The following ALG9 variants were observed in gnomAD, a reference collection of about 807,000 sequenced individuals.
ALG9 encodes the protein ALG9 alpha-1,2-mannosyltransferase.
In ALG9, 55 loss-of-function variants were observed where a neutral mutation model predicts 81.8. That is an observed-to-expected ratio of 0.67 (90% confidence interval 0.54 to 0.84). ALG9 has a LOEUF of 0.84. ALG9 is among the 40% of genes least tolerant of loss of function. The pLI, the probability that ALG9 is intolerant of heterozygous loss-of-function variation, is 0.00. For synonymous variants in ALG9, 278 were observed against 274.3 expected, an observed-to-expected ratio of 1.01 and a Z score of -0.13; for missense variants, 629 against 745.0, an observed-to-expected ratio of 0.84 and a Z score of 1.81.
At chr11:111,818,590 A>C (rs1237261622) in intron 13 of ALG9, among the ~76,000 whole-genome samples, 1 of 152,254 alleles carries the variant, frequency 6.6e-6, no homozygotes, top group East Asian at 1.9e-4. Context: ...TCCTTAAGAA[A>C]GACTTCACTG....
intron 14 of ALG9, among the ~76,000 whole-genome samples, chr11:111,807,860 G>A (rs184769831): frequency 8.5e-5 from 13 of 152,282 alleles, no homozygotes; most frequent in East Asian, 3.9e-4. Context: ...TGAGGTGGGC[G>A]GATAGCTTGA....
At chr11:111,862,223 C>A (rs1960428436) in intron 4 of ALG9, among the ~76,000 whole-genome samples, 1 of 150,480 alleles carries the variant, frequency 6.6e-6, no homozygotes. Context: ...CTCTGGCTTA[C>A]ATGTTTCTTT....
At chr11:111,771,720 A>G in the ALG9 span, among the ~76,000 whole-genome samples, 1 of 152,236 alleles carries the variant, frequency 6.6e-6, no homozygotes, top group African/African-American at 2.4e-5. Context: ...TGACCCTGGT[A>G]AACTGATTCC....
chr11:111,865,024 G>A (rs782502482), intron 4 of ALG9, among the ~76,000 whole-genome samples, 157 bp downstream of exon 4: 2 of 152,246 alleles, frequency 1.3e-5, no homozygotes, highest in East Asian at 1.9e-4. Flanking sequence ...TGATCTGCCC[G>A]CCTTGGCCTC....
Position 111,853,660 on chromosome 11 carries a change from T to G in ALG9, c.778A>C (p.Ile260Leu). 6.2e-7 allele frequency: 1 copy of G among 1,614,108 alleles called. No homozygotes were observed. The highest frequency in any genetic ancestry group is 1.7e-5 in the Admixed American group (1 of 60,016). ...AAAAGAAAACTCACCAGAAATAGTA[T>G]GAGGGCCATCAGCGACCAATGAAAG... The part of the protein sequence containing the change: ...SFFHWSLMAL[I>L]LFLVPVVVID... Residue 260 changes from isoleucine to leucine, a missense_variant, in exon 7 of 15, where the codon ATA becomes CTA. This residue lies in a region of ALG9 where 344 missense variants were observed against 390.5 expected (regional missense o/e 0.88). Transcript: ENST00000616540.
intron 4 of ALG9, 30 bp downstream of exon 4, chr11:111,865,151 C>T: frequency 1.3e-6 from 2 of 1,498,248 alleles, no homozygotes; most frequent in South Asian, 1.3e-5. Flanking sequence ...TTCCTCACAG[C>T]ACTTTTAGAA....
chr11:111,827,196 G>A (rs1419031912), intron 13 of ALG9, among the ~76,000 whole-genome samples: 1 of 152,152 alleles, frequency 6.6e-6, no homozygotes, highest in Non-Finnish European at 1.5e-5. Context: ...ACAGGAGATT[G>A]GTGGGCACAG....
chr11:111,833,888 G>A (rs1022998009), intron 13 of ALG9, among the ~76,000 whole-genome samples: 3 of 152,208 alleles, frequency 2.0e-5, no homozygotes, highest in South Asian at 2.1e-4. Flanking sequence ...AAGACAACCA[G>A]TGATAAAAGC....
rs377658088 is a variant in ALG9 at position 111,830,962 on chromosome 11, G to C, written c.1602+5203C>G. On this transcript the variant is annotated intron_variant, in intron 13 of 14. Transcript: ENST00000616540. ...AAGGCAGAAGGATCACTTGAAGCCT[G>C]GAGTTCGAGACCAGCCTGGGCAAGA... Among the ~76,000 whole-genome samples, 76 of 152,232 alleles carry C rather than the reference G, an allele frequency of 5.0e-4. 1 individual carries two copies. Among genetic ancestry groups the C allele is most frequent in the African/African-American group, 1.7e-3 (72 of 41,534 alleles).
chr11:111,823,963 A>G (rs1952832385), intron 13 of ALG9, among the ~76,000 whole-genome samples: 1 of 152,234 alleles, frequency 6.6e-6, no homozygotes, highest in Non-Finnish European at 1.5e-5. Context: ...AAATCAGTAC[A>G]TAAGGGTGAA....
chr11:111,857,453 T>C, intron 6 of ALG9, 149 bp downstream of exon 6: 2 of 1,013,856 alleles, frequency 2.0e-6, no homozygotes, highest in Non-Finnish European at 3.0e-6. Flanking sequence ...TAATAGTAAG[T>C]GCTAAGAGAA....
At chr11:111,838,469 G>A (rs1955693891) in intron 10 of ALG9, 70 bp from the exon 11 acceptor site, 3 of 1,398,096 alleles carry the variant, frequency 2.1e-6, no homozygotes, top group Non-Finnish European at 3.0e-6. Flanking sequence ...CAAGAGCGAA[G>A]CCAAAAAAGA....
At chr11:111,818,252 G>A (rs145362889) in intron 13 of ALG9, among the ~76,000 whole-genome samples, 132 of 152,330 alleles carry the variant, frequency 8.7e-4, no homozygotes, top group Admixed American at 1.5e-3. Context: ...GTCACTTAAC[G>A]AGGGAGACAG....
At chr11:111,813,731 CACA>C (rs1207269985) in intron 13 of ALG9, among the ~76,000 whole-genome samples, 3 of 151,908 alleles carry the variant, frequency 2.0e-5, no homozygotes, top group Non-Finnish European at 2.9e-5. Flanking sequence ...CTGAAATGGC[CACA>C]ACAAGTGAAA....
At chr11:111,827,683 A>G (rs1347480084) in intron 13 of ALG9, among the ~76,000 whole-genome samples, 1 of 151,864 alleles carries the variant, frequency 6.6e-6, no homozygotes, top group African/African-American at 2.4e-5. Context: ...GCTGGCCAAC[A>G]TGGTGAAACC....
chr11:111,855,747 A>T (rs1008367951), intron 6 of ALG9, among the ~76,000 whole-genome samples: 4 of 152,346 alleles, frequency 2.6e-5, no homozygotes, highest in Middle Eastern at 3.4e-3. Context: ...AGCTATGGGA[A>T]TCACCAAGAT....
Position 111,871,560 on chromosome 11 carries a change from T to C in ALG9, c.-78A>G. 3 of 1,532,856 alleles carry C rather than the reference T, an allele frequency of 2.0e-6. No individual in the cohort carries two copies. Among genetic ancestry groups the C allele is most frequent in the Non-Finnish European group, 2.6e-6 (3 of 1,145,088 alleles). 95.0% of individuals were successfully genotyped at this position (1,532,856 alleles called of 1,614,324 possible). A position where few individuals can be genotyped will look rare whatever the true frequency, so the allele number is the denominator to read the frequency against. On this transcript the variant is annotated 5_prime_UTR_variant, in exon 1 of 15. Coordinates refer to ENST00000616540, the MANE Select transcript of ALG9 (RefSeq NM_024740.2). Reference sequence around the variant, plus strand: ...AGACATAGCTTTGGCTGGCAAACGGTGTCCGCCGAGGGACAAAAGACCTTG... The same window carrying C: ...AGACATAGCTTTGGCTGGCAAACGGCGTCCGCCGAGGGACAAAAGACCTTG...
At chr11:111,849,597 T>C (rs1957446387) in intron 8 of ALG9, 1 of 152,272 alleles carries the variant, frequency 6.6e-6, no homozygotes, top group South Asian at 2.1e-4. Flanking sequence ...AAGCCCAGCA[T>C]GCATTAGCTA....
chr11:111,863,511 C>T (rs1436459110), intron 4 of ALG9, among the ~76,000 whole-genome samples: 1 of 152,060 alleles, frequency 6.6e-6, no homozygotes, highest in Non-Finnish European at 1.5e-5. Context: ...TTTTTTCCCT[C>T]CACTCCACTC....
Sources: gnomAD v4.1 joint callset for allele counts (sites outside exome capture counted in the v4.1 genomes callset) on GRCh38, gnomAD v4.1.1 for gene constraint, gnomAD v4.1.1 regional missense constraint, MANE v1.5 for transcripts, NCBI Gene and HGNC (gene_info 2026-07-23, HGNC 2026-07-21) for gene names.